The following UNC5D variants were observed in gnomAD, a reference collection of about 807,000 sequenced individuals.
UNC5D encodes netrin receptor UNC5D.
In UNC5D, 39 loss-of-function variants were observed where a neutral mutation model predicts 105.4. The ratio of observed to expected loss-of-function variants is 0.37; its 90% confidence interval spans 0.29 to 0.48. UNC5D has a LOEUF of 0.48. Ranked by LOEUF, UNC5D falls within the 20% of genes least tolerant of loss-of-function variation. The probability of loss-of-function intolerance (pLI) is 0.98; values close to 1 mark genes in which losing one functional copy is unlikely to be tolerated. For synonymous variants in UNC5D, 452 were observed against 450.4 expected, an observed-to-expected ratio of 1.00 and a Z score of -0.04; for missense variants, 991 against 1,202.4, an observed-to-expected ratio of 0.82 and a Z score of 2.60.
At chr8:35,296,730 A>G (rs1173012336) in intron 1 of UNC5D, among the ~76,000 whole-genome samples, 1 of 152,024 alleles carries the variant, frequency 6.6e-6, no homozygotes. Context: ...CGTGGTAAGT[A>G]CCTTTTCATG....
intron 1 of UNC5D, among the ~76,000 whole-genome samples, chr8:35,485,221 T>A (rs896955201): frequency 1.3e-5 from 2 of 152,162 alleles, no homozygotes; most frequent in African/African-American, 4.8e-5. Context: ...TCTACTTCAG[T>A]ATTTGGCCTC....
At chr8:35,646,663 T>C (rs983526888) in intron 4 of UNC5D, among the ~76,000 whole-genome samples, 7 of 152,106 alleles carry the variant, frequency 4.6e-5, no homozygotes, top group African/African-American at 1.7e-4. Context: ...TAAATGTGTA[T>C]CTGTAATAAA....
intron 1 of UNC5D, among the ~76,000 whole-genome samples, chr8:35,249,015 T>G (rs1173756094): frequency 1.6e-5 from 1 of 61,778 alleles, no homozygotes; most frequent in Non-Finnish European, 3.0e-5. Flanking sequence ...ATATAATATA[T>G]ATTATATATG....
At chr8:35,528,804 T>C (rs1335886938) in intron 1 of UNC5D, among the ~76,000 whole-genome samples, 2 of 150,646 alleles carry the variant, frequency 1.3e-5, no homozygotes, top group East Asian at 2.0e-4. Flanking sequence ...CCAGTGATGA[T>C]GAGCATTTTT....
chr8:35,242,957 G>T (rs1005672920), intron 1 of UNC5D, among the ~76,000 whole-genome samples: 1 of 152,156 alleles, frequency 6.6e-6, no homozygotes, highest in African/African-American at 2.4e-5. Context: ...AGAAGGGGAA[G>T]TCAAATGATC....
chr8:35,669,108 C>T (rs1824609746), intron 4 of UNC5D, among the ~76,000 whole-genome samples: 1 of 152,100 alleles, frequency 6.6e-6, no homozygotes, highest in South Asian at 2.1e-4. Flanking sequence ...ATGCTGAAGG[C>T]TTGAATAAAT....
intron 1 of UNC5D, among the ~76,000 whole-genome samples, chr8:35,412,459 T>C (rs1212471897): frequency 1.3e-5 from 2 of 151,224 alleles, no homozygotes; most frequent in Admixed American, 6.6e-5. Context: ...GCTTTTTGTA[T>C]GTTATGACAA....
At chr8:35,426,379 A>G (rs1485423963) in intron 1 of UNC5D, among the ~76,000 whole-genome samples, 1 of 152,212 alleles carries the variant, frequency 6.6e-6, no homozygotes, top group Non-Finnish European at 1.5e-5. Flanking sequence ...GGGAAAATAA[A>G]GATGTAAAAA....
chr8:35,640,380 G>T (rs1237594344), intron 4 of UNC5D, among the ~76,000 whole-genome samples: 1 of 152,150 alleles, frequency 6.6e-6, no homozygotes, highest in Non-Finnish European at 1.5e-5. Context: ...AAGAAATCAT[G>T]TACCCATAAT....
intron 1 of UNC5D, among the ~76,000 whole-genome samples, chr8:35,458,784 A>G (rs1265234787): frequency 3.9e-5 from 6 of 152,116 alleles, no homozygotes; most frequent in Admixed American, 3.3e-4. Context: ...GTTTCTTATT[A>G]TCAAAATTTC....
intron 8 of UNC5D, among the ~76,000 whole-genome samples, chr8:35,715,695 G>T (rs1828215909): frequency 6.6e-6 from 1 of 152,116 alleles, no homozygotes; most frequent in Admixed American, 6.5e-5. Flanking sequence ...TTGTAGGCAG[G>T]GGGCAAGGCC....
intron 1 of UNC5D, among the ~76,000 whole-genome samples, chr8:35,369,831 C>T (rs1038980531): frequency 6.6e-6 from 1 of 152,112 alleles, no homozygotes; most frequent in South Asian, 2.1e-4. Context: ...TAGCTCCTTC[C>T]GTGTCAGGCT....
At chr8:35,561,244 G>C (rs1465905548) in intron 2 of UNC5D, among the ~76,000 whole-genome samples, 1 of 152,090 alleles carries the variant, frequency 6.6e-6, no homozygotes, top group Admixed American at 6.6e-5. Context: ...CCCAGGACTA[G>C]GTACCAGACA....
rs1012270608 is a variant in UNC5D at position 35,402,654 on chromosome 8, A to G, written c.104-146638A>G. Among the ~76,000 whole-genome samples the G allele has an allele frequency of 2.6e-5, 4 of 152,254 alleles. No homozygotes were observed. The East Asian group carries it at 5.8e-4, about 22-fold the overall frequency. On this transcript the variant is annotated intron_variant, in intron 1 of 16. Coordinates refer to ENST00000404895, the MANE Select transcript of UNC5D (RefSeq NM_080872.4). ...TGTTCACCAACTCGGTGATCAGCTT[A>G]TGTGATAATGGCTTCTCATCCTGGC...
At chr8:35,716,175 A>G (rs191497091) in intron 8 of UNC5D, among the ~76,000 whole-genome samples, 1 of 152,282 alleles carries the variant, frequency 6.6e-6, no homozygotes, top group East Asian at 1.9e-4. Flanking sequence ...GTGAAGACAG[A>G]CATGTGTTCA....
chr8:35,565,350 AT>A (rs570762860), intron 2 of UNC5D, among the ~76,000 whole-genome samples: 1 of 151,954 alleles, frequency 6.6e-6, no homozygotes, highest in Non-Finnish European at 1.5e-5. Context: ...AATGTTGAGC[AT>A]TTTTTTCTAT....
At chr8:35,772,370 A>G (rs1256196802) in intron 15 of UNC5D, among the ~76,000 whole-genome samples, 3 of 152,200 alleles carry the variant, frequency 2.0e-5, no homozygotes, top group South Asian at 2.1e-4. Context: ...TGTATCAATC[A>G]GTTTTCTCAA....
chr8:35,266,208 T>C (rs1034110066), intron 1 of UNC5D, among the ~76,000 whole-genome samples: 2 of 152,204 alleles, frequency 1.3e-5, no homozygotes, highest in Admixed American at 6.5e-5. Context: ...TCGAGGTTTC[T>C]TTAAAACAAA....
chr8:35,432,791 CAA>C (rs1207895050), intron 1 of UNC5D, among the ~76,000 whole-genome samples: 1 of 152,096 alleles, frequency 6.6e-6, no homozygotes, highest in African/African-American at 2.4e-5. Context: ...CTCAATTCAC[CAA>C]ATAGTTGACT....
Sources: gnomAD v4.1 joint callset for allele counts (sites outside exome capture counted in the v4.1 genomes callset) on GRCh38, gnomAD v4.1.1 for gene constraint, MANE v1.5 for transcripts, NCBI Gene and HGNC (gene_info 2026-07-23, HGNC 2026-07-21) for gene names.